GTPBP2: variants seen among roughly 807,000 people sequenced by gnomAD.
GTPBP2 encodes the protein GTP-binding protein 2.
Under a neutral mutation model 63.0 loss-of-function variants are expected in GTPBP2, and 32 were observed. That is an observed-to-expected ratio of 0.51 (90% CI 0.38 to 0.68). The LOEUF is 0.68. GTPBP2 is among the 30% of genes least tolerant of loss of function. GTPBP2 has a pLI of 0.00. For missense variants in GTPBP2, 492 were observed against 796.9 expected, an observed-to-expected ratio of 0.62 and a Z score of 4.61; for synonymous variants, 310 against 322.6, an observed-to-expected ratio of 0.96 and a Z score of 0.42.
upstream of GTPBP2, chr6:43,629,713 G>A (rs1275684640): frequency 2.6e-6 from 4 of 1,550,528 alleles, no homozygotes; most frequent in African/African-American, 4.1e-5. Flanking sequence ...GGTGCCGCCA[G>A]CCTGCTGGCT....
chr6:43,630,597 G>T (rs1172079368), upstream of GTPBP2, among the ~76,000 whole-genome samples: 1 of 152,112 alleles, frequency 6.6e-6, no homozygotes, highest in East Asian at 1.9e-4. Flanking sequence ...ACAAAAATTA[G>T]CTGGGCGTGG....
intron 9 of GTPBP2, chr6:43,623,370 AC>A (rs1768971631): frequency 4.5e-6 from 1 of 220,182 alleles, no homozygotes; most frequent in African/African-American, 2.3e-5. Flanking sequence ...AGCCTGGGCA[AC>A]AGAGCGAGAC....
Position 43,620,915 on chromosome 6 carries a change from GGTA to G in GTPBP2, c.*696_*698del, listed in dbSNP as rs1768673799. 1 of 160,140 alleles carries G rather than the reference GGTA, an allele frequency of 6.2e-6. No homozygotes were observed. The highest frequency in any genetic ancestry group is 2.4e-5 in the African/African-American group (1 of 41,550). The allele number at this position is 160,140 out of a possible 1,614,324, so 9.9% of individuals were successfully genotyped here. On this transcript the variant is annotated 3_prime_UTR_variant, in exon 12 of 12. Coordinates refer to ENST00000307126, the MANE Select transcript of GTPBP2 (RefSeq NM_019096.5). ...TTTGGTATATGCCAAGCCTTTGCTT[GGTA>G]GCCCCACGCCTGGGCCAGCACAACA...
At chr6:43,623,458 G>T (rs1768989933) in intron 9 of GTPBP2, 1 of 482,010 alleles carries the variant, frequency 2.1e-6, no homozygotes, top group Non-Finnish European at 3.7e-6. Context: ...GTGAGATGAA[G>T]TCAGTTGAAT....
At position 43,625,549 on chromosome 6, in the gene GTPBP2, G is replaced by A. The variant is rs1480197319; in HGVS notation, c.519C>T (p.Leu173=). Residue 173 remains leucine, a synonymous_variant, in exon 5 of 12, where the codon CTC becomes CTT. Transcript: ENST00000307126. The surrounding 1 kb of genome is among the most constrained non-coding windows in gnomAD (Gnocchi z 5.1). The stretch of plus-strand genomic sequence containing the variant: ...CCACATTCCCCAGGACGGCCACACG[G>A]AGGTCTAGGAACTGTGGATGAATTG... ...KVPDNQQFLD[L]RVAVLGNVDS... is the part of the protein sequence containing the mutation. 3 of 1,613,078 alleles carry A rather than the reference G, an allele frequency of 1.9e-6. No individual in the cohort carries two copies. Among genetic ancestry groups the A allele is most frequent in the African/African-American group, 1.3e-5 (1 of 74,896 alleles).
In GTPBP2 at chr6:43,624,605, C is replaced by T. The variant is rs201501761; in HGVS notation, c.1005G>A (p.Arg335=). The change falls in exon 7 of 12, where the codon CGG becomes CGA. Residue 335 remains arginine (R), a synonymous_variant. Coordinates refer to ENST00000307126, the MANE Select transcript of GTPBP2 (RefSeq NM_019096.5). This position sits in a 1 kb window ranked among gnomAD's most constrained non-coding sequence, Gnocchi z 5.1. The part of the protein sequence containing the change: ...TVERTVRQLE[R]VLKQPGCHKV... ...TGTGGCAGCCAGGCTGCTTGAGGAC[C>T]CGCTCCAGCTGGCGTACTGTCCTCT... The T allele has an allele frequency of 1.1e-5, 18 of 1,614,088 alleles. No homozygotes were observed. The highest frequency in any genetic ancestry group is 3.3e-4 in the Middle Eastern group (2 of 6,060).
chr6:43,623,989 G>A lies in GTPBP2; in HGVS notation c.1180C>T (p.Pro394Ser). The change falls in exon 8 of 12, where the codon CCA becomes TCA. Residue 394 changes from proline to serine, a missense_variant. By Grantham distance (74) the Pro-to-Ser change is moderately conservative (BLOSUM62 -1). Around this residue, in one of 2 missense-constraint regions of GTPBP2, gnomAD observed 400 missense variants for 710.8 expected, o/e 0.56. Coordinates refer to ENST00000307126, the MANE Select transcript of GTPBP2 (RefSeq NM_019096.5). ...LLKVFLNILPPLTNSKEQEEL... is the reference protein window; with the variant it reads ...LLKVFLNILPSLTNSKEQEEL... ...TCCTGCTCTTTGCTGTTGGTGAGTG[G>A]CGGCAGAATATTCAGAAAGACTTTG... 6.2e-7 allele frequency: 1 copy of A among 1,614,172 alleles called. No individual in the cohort carries two copies. The highest frequency in any genetic ancestry group is 8.5e-7 in the Non-Finnish European group (1 of 1,180,006).
rs199987351 is a variant in GTPBP2, at chr6:43,624,071, G to A, written c.1101-3C>T. On this transcript the variant is annotated splice_region_variant and splice_polypyrimidine_tract_variant and intron_variant, in intron 7 of 11. Coordinates refer to ENST00000307126, the MANE Select transcript of GTPBP2 (RefSeq NM_019096.5). The surrounding 1 kb of genome is among the most constrained non-coding windows in gnomAD (Gnocchi z 5.1). The stretch of plus-strand genomic sequence containing the variant: ...ACAATGTGAAGATGGGGGTGACACT[G>A]TAGAGGGAGGCATGGAATGGACAGA... 40 of 1,609,914 alleles carry A rather than the reference G, an allele frequency of 2.5e-5. No individual in the cohort carries two copies. Among genetic ancestry groups the A allele is most frequent in the Non-Finnish European group, 3.2e-5 (38 of 1,177,542 alleles).
At position 43,621,550 on chromosome 6, in the gene GTPBP2, G is replaced by A; in HGVS notation, c.*64C>T. The A allele has an allele frequency of 6.2e-7, 1 of 1,612,032 alleles. No individual in the cohort carries two copies. The highest frequency in any genetic ancestry group is 1.1e-5 in the South Asian group (1 of 90,664). ...ACACAGAGCCGCCAATGGCAGGGCAGCATGGCCAGAAGTCACCTTATATAT... is the reference window on the plus strand; with the variant it reads ...ACACAGAGCCGCCAATGGCAGGGCAACATGGCCAGAAGTCACCTTATATAT... On this transcript the variant is annotated 3_prime_UTR_variant, in exon 12 of 12. Transcript: ENST00000307126.
intron 1 of GTPBP2, 97 bp from the exon 2 acceptor site, chr6:43,627,045 C>A: frequency 1.8e-6 from 2 of 1,125,636 alleles, no homozygotes; most frequent in South Asian, 1.4e-5. Context: ...CTTGAGAAAG[C>A]AGGAAGCCCC....
chr6:43,623,348 C>T (rs866822524), intron 9 of GTPBP2: 7 of 204,970 alleles, frequency 3.4e-5, no homozygotes, highest in Middle Eastern at 4.0e-3. Flanking sequence ...CAAGATCGCT[C>T]CACTGCAATC....
Position 43,625,877 on chromosome 6 carries a change from G to T in GTPBP2, c.399-13C>A. The T allele has an allele frequency of 6.3e-7, 1 of 1,591,458 alleles. No individual in the cohort carries two copies. Among genetic ancestry groups the T allele is most frequent in the Non-Finnish European group, 8.6e-7 (1 of 1,159,824 alleles). On this transcript the variant is annotated splice_polypyrimidine_tract_variant and intron_variant, in intron 3 of 11. Coordinates refer to ENST00000307126, the MANE Select transcript of GTPBP2 (RefSeq NM_019096.5). The surrounding 1 kb of genome is among the most constrained non-coding windows in gnomAD (Gnocchi z 5.1). ...GTCTGCCCCAACCCTGTCACAGCAA[G>T]GCCACAGCTGCCATATCTCACCTGT...
At chr6:43,630,653 G>T (rs575217531), upstream of GTPBP2, among the ~76,000 whole-genome samples, 1 of 151,958 alleles carries the variant, frequency 6.6e-6, no homozygotes, top group African/African-American at 2.4e-5. Context: ...TGAGGCAGGA[G>T]AATCGCTTGA....
In GTPBP2 at chr6:43,625,823, T is replaced by A. The variant is rs1205631047; in HGVS notation, c.440A>T (p.Asp147Val). ...CTTCCGGGGCATGTCGCTATCATAATCCACTTCTCGCTCTCGAAGAACGGT... is the reference window on the plus strand; with the variant it reads ...CTTCCGGGGCATGTCGCTATCATAAACCACTTCTCGCTCTCGAAGAACGGT... ...DITVLREREV[D>V]YDSDMPRKIT... Residue 147 changes from aspartate to valine, a missense_variant, in exon 4 of 12, where the codon GAT (aspartate) becomes GTT (valine). Physicochemically the swap from Asp to Val is radical, Grantham distance 152. Transcript: ENST00000307126. This position sits in a 1 kb window ranked among gnomAD's most constrained non-coding sequence, Gnocchi z 5.1. 1 of 1,614,080 alleles carries A rather than the reference T, an allele frequency of 6.2e-7. No individual in the cohort carries two copies. The highest frequency in any genetic ancestry group is 8.5e-7 in the Non-Finnish European group (1 of 1,180,004).
chr6:43,629,796 A>T, upstream of GTPBP2: 1 of 1,562,082 alleles, frequency 6.4e-7, no homozygotes. Context: ...GCCAGGGCGG[A>T]GGCGGATGGT....
At position 43,624,799 on chromosome 6, in the gene GTPBP2, G is replaced by C; in HGVS notation, c.881-70C>G. ...GCAGGAGGGAGGAGAGGGAAGAAGA[G>C]GAGCATTGGTCTGTCTCCAAGATTT... On this transcript the variant is annotated intron_variant, in intron 6 of 11. Transcript: ENST00000307126. This position sits in a 1 kb window ranked among gnomAD's most constrained non-coding sequence, Gnocchi z 5.1. 1 of 1,584,910 alleles carries C rather than the reference G, an allele frequency of 6.3e-7. No homozygotes were observed. The highest frequency in any genetic ancestry group is 8.7e-7 in the Non-Finnish European group (1 of 1,154,364).
chr6:43,629,291 C>T (rs1582357907), upstream of GTPBP2: 3 of 670,726 alleles, frequency 4.5e-6, no homozygotes, highest in Non-Finnish European at 6.9e-6. Flanking sequence ...CAAGCTACGC[C>T]CCCCACCTCC....
chr6:43,621,625 T>C lies in GTPBP2; in HGVS notation c.1798A>G (p.Met600Val), dbSNP rs1380061706. ...AITAGEAQAN[M>V]GF ...CCTGCCTGAAGGGTTCAGAAGCCCA[T>C]GTTGGCCTGGGCTTCTCCTGCTGTA... Residue 600 changes from methionine (M) to valine (V), a missense_variant, in exon 12 of 12, where the codon ATG becomes GTG. Met to Val is a conservative substitution (Grantham distance 21, BLOSUM62 1). This residue lies in a region of GTPBP2 where 400 missense variants were observed against 710.8 expected (regional missense o/e 0.56). Coordinates refer to ENST00000307126, the MANE Select transcript of GTPBP2 (RefSeq NM_019096.5). The C allele has an allele frequency of 7.4e-6, 12 of 1,613,830 alleles. No individual in the cohort carries two copies. The highest frequency in any genetic ancestry group is 1.3e-5 in the African/African-American group (1 of 74,926).
At chr6:43,629,738 G>A (rs1003040701), upstream of GTPBP2, 3 of 1,553,024 alleles carry the variant, frequency 1.9e-6, no homozygotes, top group African/African-American at 4.1e-5. Flanking sequence ...CTCTGCCTCA[G>A]TTTCTTCCCC....
Sources: allele counts gnomAD v4.1 joint callset (sites outside exome capture counted in the v4.1 genomes callset), GRCh38; gene constraint gnomAD v4.1.1; regional missense constraint gnomAD v4.1.1; non-coding constraint Gnocchi (gnomAD v3.1); transcripts MANE v1.5; gene names NCBI Gene and HGNC (gene_info 2026-07-23, HGNC 2026-07-21).